The following ROBO1 variants were observed in gnomAD, a reference collection of about 807,000 sequenced individuals.
ROBO1 encodes the protein roundabout homolog 1.
In ROBO1, 149 loss-of-function variants were observed where a neutral mutation model predicts 195.9. The ratio of observed to expected loss-of-function variants is 0.76; its 90% CI spans 0.67 to 0.87. The LOEUF (loss-of-function observed/expected upper bound fraction) is 0.87, where lower values mean the gene tolerates loss of function less well. ROBO1 is among the 40% of genes least tolerant of loss of function. ROBO1 has a pLI of 0.00. For missense variants in ROBO1, 1,933 were observed against 2,068.3 expected, an observed-to-expected ratio of 0.93 and a Z score of 1.27; for synonymous variants, 816 against 733.2, an observed-to-expected ratio of 1.11 and a Z score of -1.82.
chr3:79,133,533 A>G (rs2080332965), intron 2 of ROBO1, among the ~76,000 whole-genome samples: 12 of 80,268 alleles, frequency 1.5e-4, no homozygotes, highest in Non-Finnish European at 2.2e-4. Flanking sequence ...TTTCAGCTCC[A>G]TCAGCTCCTT....
At chr3:79,300,317 C>G (rs2032848071) in intron 2 of ROBO1, among the ~76,000 whole-genome samples, 2 of 152,228 alleles carry the variant, frequency 1.3e-5, no homozygotes, top group Non-Finnish European at 2.9e-5. Context: ...CTTGGAGCAG[C>G]CCGCCGGCCC....
intron 2 of ROBO1, among the ~76,000 whole-genome samples, chr3:79,538,018 T>A (rs78420588): frequency 0.074 from 11,323 of 152,266 alleles, 465 homozygotes; most frequent in East Asian, 0.16. Flanking sequence ...TTCGAAGCCA[T>A]CCTGGGTCGT....
At chr3:79,381,070 G>A (rs1189805823) in intron 2 of ROBO1, among the ~76,000 whole-genome samples, 2 of 152,104 alleles carry the variant, frequency 1.3e-5, no homozygotes, top group Non-Finnish European at 2.9e-5. Context: ...GGTAAAATAA[G>A]AAATGCGGCT....
At position 79,656,205 on chromosome 3, in the gene ROBO1, A is replaced by G. The variant is rs989245846; in HGVS notation, c.-50-66244T>C. On this transcript the variant is annotated intron_variant, in intron 1 of 30. Coordinates refer to ENST00000464233, the MANE Select transcript of ROBO1 (RefSeq NM_002941.4). ...AATTCTAAGAATTTCTCTTAGGTCA[A>G]CGGTTTCTGTTTATTAATAGTAGTG... 4.6e-5 allele frequency among the ~76,000 whole-genome samples: 7 copies of G among 152,016 alleles called. No individual in the cohort carries two copies. In the South Asian group the frequency reaches 1.2e-3, roughly 27 times the overall value.
chr3:79,418,526 T>C (rs951785299), intron 2 of ROBO1, among the ~76,000 whole-genome samples: 1 of 152,176 alleles, frequency 6.6e-6, no homozygotes, highest in Admixed American at 6.6e-5. Context: ...TATTTTTATA[T>C]AGTCTAATAA....
chr3:79,303,159 GGTT>G (rs1274907030), intron 2 of ROBO1, among the ~76,000 whole-genome samples: 1,788 of 71,970 alleles, frequency 0.025, 109 homozygotes, highest in African/African-American at 0.11. Context: ...ATCTCACATA[GGTT>G]TTTTTTTTTT....
At chr3:78,729,908 T>A (rs1338611479) in intron 5 of ROBO1, among the ~76,000 whole-genome samples, 3 of 152,236 alleles carry the variant, frequency 2.0e-5, no homozygotes, top group Non-Finnish European at 2.9e-5. Context: ...TGAAACAGTG[T>A]CCTGCTGTTT....
chr3:79,242,360 A>C (rs1335835570), intron 2 of ROBO1, among the ~76,000 whole-genome samples: 3 of 152,194 alleles, frequency 2.0e-5, no homozygotes, highest in Admixed American at 2.0e-4. Flanking sequence ...CTTAAAAAAA[A>C]ATCTATTAAG....
intron 2 of ROBO1, among the ~76,000 whole-genome samples, chr3:79,281,196 G>A (rs1449625836): frequency 1.3e-5 from 2 of 152,096 alleles, no homozygotes; most frequent in African/African-American, 4.8e-5. Context: ...ATCTGTATTA[G>A]GACTAATATG....
At chr3:78,806,331 C>T (rs557762887) in intron 4 of ROBO1, among the ~76,000 whole-genome samples, 14 of 152,108 alleles carry the variant, frequency 9.2e-5, no homozygotes, top group Admixed American at 9.2e-4. Context: ...CAACGCAGCA[C>T]CTGATTCAGG....
At position 79,107,890 on chromosome 3, in the gene ROBO1, T is replaced by C. The variant is rs114507465; in HGVS notation, c.172+17566A>G. Reference sequence around the variant, plus strand: ...AATATCAACAAGTACAATTTTCCCTTGAACCTGATAAAACAAATTGTGTTA... The same window carrying C: ...AATATCAACAAGTACAATTTTCCCTCGAACCTGATAAAACAAATTGTGTTA... On this transcript the variant is annotated intron_variant, in intron 3 of 30. Transcript: ENST00000464233. Among the ~76,000 whole-genome samples, 1,277 of 151,818 alleles carry C rather than the reference T, an allele frequency of 8.4e-3. 9 individuals carry two copies. The highest frequency in any genetic ancestry group is 0.012 in the Non-Finnish European group (812 of 67,694).
chr3:78,727,459 C>T (rs1576033228), intron 5 of ROBO1, among the ~76,000 whole-genome samples: 1 of 151,910 alleles, frequency 6.6e-6, no homozygotes, highest in Admixed American at 6.6e-5. Context: ...ACCCTGTCTC[C>T]ACTAAAAATA....
intron 4 of ROBO1, among the ~76,000 whole-genome samples, chr3:78,924,682 C>T (rs1350082013): frequency 6.6e-6 from 1 of 151,672 alleles, no homozygotes; most frequent in Non-Finnish European, 1.5e-5. Flanking sequence ...TTTTTTCCTA[C>T]CTCCCCTAAG....
chr3:78,786,187 G>A (rs1452824168), intron 4 of ROBO1, among the ~76,000 whole-genome samples: 1 of 152,106 alleles, frequency 6.6e-6, no homozygotes, highest in East Asian at 1.9e-4. Context: ...TTGAAAGTAA[G>A]ATTAATAAAA....
chr3:78,783,897 A>G (rs1159354143), intron 4 of ROBO1, among the ~76,000 whole-genome samples: 1 of 152,202 alleles, frequency 6.6e-6, no homozygotes, highest in Admixed American at 6.5e-5. Context: ...TATGAATAAT[A>G]CATTGCTTCT....
chr3:79,418,738 T>A (rs1307015382), intron 2 of ROBO1, among the ~76,000 whole-genome samples: 1 of 152,164 alleles, frequency 6.6e-6, no homozygotes, highest in Non-Finnish European at 1.5e-5. Context: ...TGTTGAGTGC[T>A]AAACAGATAT....
chr3:78,616,806 CAT>C (rs1232159089), intron 27 of ROBO1, among the ~76,000 whole-genome samples: 2 of 152,058 alleles, frequency 1.3e-5, no homozygotes, highest in Non-Finnish European at 2.9e-5. Flanking sequence ...AAATGAAAAT[CAT>C]GTGATAAATA....
intron 2 of ROBO1, among the ~76,000 whole-genome samples, chr3:79,390,219 G>T (rs147937848): frequency 2.0e-5 from 3 of 151,960 alleles, no homozygotes; most frequent in African/African-American, 2.4e-5. Flanking sequence ...TATTTTATAC[G>T]GTCTGTGTAG....
At chr3:78,893,095 T>C (rs556287254) in intron 4 of ROBO1, among the ~76,000 whole-genome samples, 1 of 152,198 alleles carries the variant, frequency 6.6e-6, no homozygotes, top group African/African-American at 2.4e-5. Flanking sequence ...GTTCTTGACA[T>C]CTCAAGATAA....
Sources: allele counts gnomAD v4.1 joint callset (sites outside exome capture counted in the v4.1 genomes callset), GRCh38; gene constraint gnomAD v4.1.1; transcripts MANE v1.5; gene names NCBI Gene and HGNC (gene_info 2026-07-23, HGNC 2026-07-21).